SH3TC1: variants seen among roughly 807,000 people sequenced by gnomAD.
SH3TC1 encodes SH3 domain and tetratricopeptide repeats 1, also known as SH3 domain and tetratricopeptide repeat-containing protein 1.
Under a neutral mutation model 117.3 loss-of-function variants are expected in SH3TC1, and 135 were observed. The ratio of observed to expected loss-of-function variants is 1.15; its 90% CI spans 1.00 to 1.33. The LOEUF (loss-of-function observed/expected upper bound fraction) is 1.33, where lower values mean the gene tolerates loss of function less well. SH3TC1 is among the 40% of genes most tolerant of loss of function. The pLI is 0.00. For synonymous variants in SH3TC1, 898 were observed against 816.9 expected, an observed-to-expected ratio of 1.10 and a Z score of -1.69; for missense variants, 2,092 against 1,794.3, an observed-to-expected ratio of 1.17 and a Z score of -3.00.
rs183894642 is a variant in SH3TC1 at position 8,201,050 on chromosome 4, A to G, written c.-29+1645A>G. Among the ~76,000 whole-genome samples, 573 of 152,222 alleles carry G rather than the reference A, an allele frequency of 3.8e-3. 7 individuals are homozygous for G. Among genetic ancestry groups the G allele is most frequent in the African/African-American group, 0.013 (547 of 41,536 alleles). On this transcript the variant is annotated intron_variant, in intron 1 of 17. Coordinates refer to ENST00000245105, the MANE Select transcript of SH3TC1 (RefSeq NM_018986.5). ...GCATGAATTTTGAAAGGACAGTGTC[A>G]CCCCAGGATGCGAGGTGACAAGCCA... is the stretch of plus-strand genomic sequence containing the variant.
At chr4:8,236,538 T>C (rs1417731310) in intron 16 of SH3TC1, 110 bp downstream of exon 16, 3 of 1,366,470 alleles carry the variant, frequency 2.2e-6, no homozygotes, top group Non-Finnish European at 2.9e-6. Flanking sequence ...TGGTCTCCTG[T>C]CCAGGCAGGC....
upstream of SH3TC1, among the ~76,000 whole-genome samples, chr4:8,197,656 G>T (rs1015781750): frequency 6.6e-6 from 1 of 152,232 alleles, no homozygotes; most frequent in African/African-American, 2.4e-5. Context: ...GGGCCGGGGA[G>T]CCTGGAGGCT....
chr4:8,237,365 A>G (rs916412584), intron 16 of SH3TC1, 109 bp from the exon 17 acceptor site: 2 of 930,888 alleles, frequency 2.1e-6, no homozygotes, highest in Non-Finnish European at 3.1e-6. Context: ...ACTGGCCAGA[A>G]CTGCCCAGGT....
At chr4:8,204,181 T>C (rs1485441657) in intron 1 of SH3TC1, among the ~76,000 whole-genome samples, 1 of 152,112 alleles carries the variant, frequency 6.6e-6, no homozygotes, top group Non-Finnish European at 1.5e-5. Context: ...TGCTGGCCAC[T>C]GAGGGGCTTC....
upstream of SH3TC1, among the ~76,000 whole-genome samples, chr4:8,198,557 C>T (rs146476472): frequency 4.9e-4 from 74 of 152,378 alleles, no homozygotes; most frequent in African/African-American, 1.7e-3. Context: ...CAGGCTTCCT[C>T]AGCAGGCAGG....
chr4:8,235,609 G>A, intron 15 of SH3TC1, 54 bp downstream of exon 15: 1 of 1,503,652 alleles, frequency 6.7e-7, no homozygotes, highest in Non-Finnish European at 8.9e-7. Context: ...CACCTTGAGG[G>A]CTGAGGCACA....
In SH3TC1 at chr4:8,212,751, C is replaced by A; in HGVS notation, c.298C>A (p.Pro100Thr). The part of the protein sequence containing the change: ...AVRRKSRLRD[P>T]GLQQTLRGQL... ...GCGGAGGAAGAGCAGACTGCGGGAC[C>A]CCGGCCTACAGCAGACCCTCCGGGG... The change falls in exon 4 of 18, where the codon CCC becomes ACC. Residue 100 changes from proline to threonine, a missense_variant. Pro to Thr is a conservative substitution (Grantham distance 38). Transcript: ENST00000245105. 1 of 1,612,810 alleles carries A rather than the reference C, an allele frequency of 6.2e-7. No homozygotes were observed. Among genetic ancestry groups the A allele is most frequent in the Non-Finnish European group, 8.5e-7 (1 of 1,179,898 alleles).
At chr4:8,217,599 T>A (rs936201158) in intron 7 of SH3TC1, among the ~76,000 whole-genome samples, 3 of 152,232 alleles carry the variant, frequency 2.0e-5, no homozygotes, top group African/African-American at 7.2e-5. Flanking sequence ...TAACTTGGGT[T>A]GGAGCTTCCT....
chr4:8,233,389 C>T lies in SH3TC1; in HGVS notation c.3158C>T (p.Thr1053Ile). 1.9e-6 allele frequency: 3 copies of T among 1,613,372 alleles called. No homozygotes were observed. The highest frequency in any genetic ancestry group is 2.2e-5 in the East Asian group (1 of 44,844). ...ERAYKSALDYTKRSLGIFIDL... is the reference protein window; with the variant it reads ...ERAYKSALDYIKRSLGIFIDL... ...GCCTACAAATCCGCACTGGACTACA[C>T]CAAACGAAGTCTGGGGATTTTCATT... The change falls in exon 14 of 18, where the codon ACC becomes ATC. Residue 1053 changes from threonine to isoleucine, a missense_variant. Physicochemically the swap from Thr to Ile is moderately conservative, Grantham distance 89 (BLOSUM62 -1). Transcript: ENST00000245105.
chr4:8,239,559 T>C (rs1578763276), intron 17 of SH3TC1, among the ~76,000 whole-genome samples: 1 of 142,114 alleles, frequency 7.0e-6, no homozygotes, highest in Admixed American at 6.9e-5. Flanking sequence ...CACAGGCACA[T>C]GCACACGCAA....
intron 12 of SH3TC1, 63 bp downstream of exon 12, chr4:8,228,707 T>A: frequency 1.6e-6 from 2 of 1,281,500 alleles, no homozygotes; most frequent in East Asian, 5.2e-5. Flanking sequence ...ACACCTGGGG[T>A]TTGTGATTCA....
At position 8,231,973 on chromosome 4, in the gene SH3TC1, C is replaced by G; in HGVS notation, c.2951-3C>G. On this transcript the variant is annotated splice_region_variant and splice_polypyrimidine_tract_variant and intron_variant, in intron 12 of 17. Transcript: ENST00000245105. ...GACGTCTTCCTTTTTGTCTTCTGCC[C>G]AGGCCAGCTGCGGGCCGTCCAGCGG... 6.2e-7 allele frequency: 1 copy of G among 1,610,646 alleles called. No homozygotes were observed. Among genetic ancestry groups the G allele is most frequent in the Non-Finnish European group, 8.5e-7 (1 of 1,179,914 alleles).
chr4:8,220,393 G>GA (rs906914201), intron 9 of SH3TC1, among the ~76,000 whole-genome samples: 1 of 151,930 alleles, frequency 6.6e-6, no homozygotes. Context: ...CCTCTGGGGG[G>GA]GGCACTCTTC....
rs1255564893 is a variant in SH3TC1, at chr4:8,225,080, G to T, written c.1244-95G>T. On this transcript the variant is annotated intron_variant, in intron 10 of 17. Transcript: ENST00000245105. This position sits in a 1 kb window ranked among gnomAD's most constrained non-coding sequence, Gnocchi z 5.5. ...GCCCTCAATACCTGCACCCAGCAAT[G>T]CTCTCACCCTGCAACATCGACACTA... The T allele has an allele frequency of 2.2e-5, 32 of 1,456,920 alleles. No homozygotes were observed. The highest frequency in any genetic ancestry group is 3.0e-5 in the Non-Finnish European group (32 of 1,052,002). The allele number at this position is 1,456,920 out of a possible 1,614,324, so 90.2% of individuals were successfully genotyped here. A position where few individuals can be genotyped will look rare whatever the true frequency, so the allele number is the denominator to read the frequency against.
intron 1 of SH3TC1, among the ~76,000 whole-genome samples, chr4:8,188,498 A>C (rs1043521155): frequency 1.3e-5 from 2 of 152,370 alleles, no homozygotes; most frequent in African/African-American, 4.8e-5. Flanking sequence ...AAGGTGCTTC[A>C]AACCTAGGCT....
At position 8,228,414 on chromosome 4, in the gene SH3TC1, C is replaced by T; in HGVS notation, c.2720C>T (p.Ala907Val). Residue 907 changes from alanine to valine, a missense_variant, in exon 12 of 18, where the codon GCC becomes GTC. Physicochemically the swap from Ala to Val is moderately conservative, Grantham distance 64 (BLOSUM62 0). Transcript: ENST00000245105. ...GQQRNQAVGLANFGALCLHAG... is the reference protein window; with the variant it reads ...GQQRNQAVGLVNFGALCLHAG... ...CAAAGGAACCAGGCAGTGGGGCTGG[C>T]CAACTTCGGGGCCCTGTGCCTGCAT... 6.2e-7 allele frequency: 1 copy of T among 1,606,712 alleles called. No homozygotes were observed. The highest frequency in any genetic ancestry group is 8.5e-7 in the Non-Finnish European group (1 of 1,176,568).
intron 12 of SH3TC1, among the ~76,000 whole-genome samples, chr4:8,230,524 C>T (rs928895779): frequency 6.6e-6 from 1 of 152,160 alleles, no homozygotes; most frequent in African/African-American, 2.4e-5. Flanking sequence ...TTGAAAAACC[C>T]ACCTTTGGGT....
intron 1 of SH3TC1, among the ~76,000 whole-genome samples, chr4:8,189,172 CT>C (rs1239972598): frequency 6.6e-6 from 1 of 152,278 alleles, no homozygotes; most frequent in Non-Finnish European, 1.5e-5. Context: ...GCCCGGCCCC[CT>C]GTCACTGGCA....
chr4:8,187,018 G>A (rs529944492), intron 1 of SH3TC1, among the ~76,000 whole-genome samples: 10 of 150,388 alleles, frequency 6.6e-5, no homozygotes, highest in South Asian at 2.1e-4. Context: ...ACTCCTGCCC[G>A]ACTTCCCTTG....
Sources: gnomAD v4.1 joint callset for allele counts (sites outside exome capture counted in the v4.1 genomes callset) on GRCh38, gnomAD v4.1.1 for gene constraint, Gnocchi (gnomAD v3.1) non-coding constraint, MANE v1.5 for transcripts, NCBI Gene and HGNC (gene_info 2026-07-23, HGNC 2026-07-21) for gene names.